The following DSCAM variants were observed in gnomAD, a reference collection of about 807,000 sequenced individuals.
The protein encoded by DSCAM is cell adhesion molecule DSCAM.
A neutral mutation model predicts 217.7 loss-of-function variants in DSCAM; 47 were observed. The observed-to-expected ratio is 0.22, with a 90% CI of 0.17 to 0.28. The LOEUF (loss-of-function observed/expected upper bound fraction) is 0.28, where lower values mean the gene tolerates loss of function less well. DSCAM is among the 10% of genes least tolerant of loss of function. The pLI is 1.00. For synonymous variants in DSCAM, 1,056 were observed against 1,015.3 expected (o/e 1.04, Z -0.76); for missense variants, 2,080 against 2,618.3 (o/e 0.79, Z 4.49).
chr21:40,771,657 G>A (rs958828354), intron 1 of DSCAM, among the ~76,000 whole-genome samples: 1 of 152,164 alleles, frequency 6.6e-6, no homozygotes, highest in Non-Finnish European at 1.5e-5. Flanking sequence ...TAAATCAAGA[G>A]CCAGCGAAAG....
At position 40,075,196 on chromosome 21, in the gene DSCAM, T is replaced by C. The variant is rs1319217987; in HGVS notation, c.4729A>G (p.Ile1577Val). ...NYDGSTIPPL[I>V]KSVVQNEEGL... ...TCTTCGTTTTGGACAACTGACTTAATGAGTGGAGGAATTGTACCTGAAAGC... is the reference window on the plus strand; with the variant it reads ...TCTTCGTTTTGGACAACTGACTTAACGAGTGGAGGAATTGTACCTGAAAGC... Residue 1577 changes from isoleucine (I) to valine (V), a missense_variant, in exon 27 of 33, where the codon ATT becomes GTT. Physicochemically the swap from Ile to Val is conservative, Grantham distance 29. This residue lies in a region of DSCAM where 1,144 missense variants were observed against 1,421.1 expected (regional missense o/e 0.81). Transcript: ENST00000400454. 24 of 1,614,154 alleles carry C rather than the reference T, an allele frequency of 1.5e-5. No homozygotes were observed. Among genetic ancestry groups the C allele is most frequent in the Non-Finnish European group, 1.8e-5 (21 of 1,180,034 alleles).
chr21:40,772,874 G>A (rs766549358), intron 1 of DSCAM, among the ~76,000 whole-genome samples: 1 of 152,138 alleles, frequency 6.6e-6, no homozygotes, highest in Non-Finnish European at 1.5e-5. Flanking sequence ...TGCCATAATC[G>A]CCGCGGTGGT....
At chr21:40,084,501 AACACACACACACACACACACACACACAC>A (rs145863686) in intron 23 of DSCAM, among the ~76,000 whole-genome samples, 23,469 of 137,786 alleles carry the variant, frequency 0.17, 2,074 homozygotes, top group South Asian at 0.32. Context: ...TCCAAGATGC[AACACACACACACACACACACACACACAC>A]ACACACACAC....
intron 1 of DSCAM, among the ~76,000 whole-genome samples, chr21:40,795,131 G>A (rs778732852): frequency 2.6e-5 from 4 of 151,194 alleles, no homozygotes; most frequent in Non-Finnish European, 5.9e-5. Flanking sequence ...GCAAACTCTC[G>A]GCCCCAGTTG....
At chr21:40,207,131 TA>T (rs540758029) in intron 11 of DSCAM, among the ~76,000 whole-genome samples, 178 of 152,230 alleles carry the variant, frequency 1.2e-3, no homozygotes, top group Admixed American at 3.3e-3. Flanking sequence ...AAAAAAATTG[TA>T]ACTATAGTAA....
At chr21:40,770,423 G>C (rs7278592) in intron 1 of DSCAM, among the ~76,000 whole-genome samples, 2,404 of 152,254 alleles carry the variant, frequency 0.016, 56 homozygotes, top group African/African-American at 0.054. Context: ...CACCAATACT[G>C]CACCCAAGTC....
At chr21:40,159,698 T>G (rs1374441824) in intron 16 of DSCAM, among the ~76,000 whole-genome samples, 1 of 152,186 alleles carries the variant, frequency 6.6e-6, no homozygotes, top group Admixed American at 6.5e-5. Flanking sequence ...TTATTCTGCC[T>G]CAACCTCATG....
At chr21:40,659,867 T>C (rs1243114798) in intron 3 of DSCAM, among the ~76,000 whole-genome samples, 1 of 152,220 alleles carries the variant, frequency 6.6e-6, no homozygotes, top group Admixed American at 6.5e-5. Context: ...TTCAGACAGG[T>C]TGCCAAATAA....
At chr21:40,445,564 C>CCGT (rs1167366042) in intron 3 of DSCAM, among the ~76,000 whole-genome samples, 4 of 152,114 alleles carry the variant, frequency 2.6e-5, no homozygotes, top group African/African-American at 9.7e-5. Context: ...CCTCCCTTGC[C>CCGT]CATCATCACT....
intron 19 of DSCAM, among the ~76,000 whole-genome samples, chr21:40,127,702 T>G (rs1230465921): frequency 6.6e-6 from 1 of 152,156 alleles, no homozygotes; most frequent in Non-Finnish European, 1.5e-5. Context: ...GTGCTTCTCT[T>G]GCCCCATCTC....
chr21:40,565,836 GTCCCAGTTTAT>G (rs1309216294), intron 3 of DSCAM, among the ~76,000 whole-genome samples: 1 of 152,154 alleles, frequency 6.6e-6, no homozygotes, highest in Non-Finnish European at 1.5e-5. Flanking sequence ...AAACTTCAGA[GTCCCAGTTTAT>G]TTTGTAAAAT....
chr21:40,221,309 C>T (rs545413694), intron 11 of DSCAM, among the ~76,000 whole-genome samples: 5 of 151,834 alleles, frequency 3.3e-5, no homozygotes, highest in Non-Finnish European at 7.4e-5. Flanking sequence ...TTGGATTACT[C>T]AGATCCAAGA....
intron 3 of DSCAM, among the ~76,000 whole-genome samples, chr21:40,378,441 T>C (rs2074984869): frequency 6.6e-6 from 1 of 152,102 alleles, no homozygotes; most frequent in South Asian, 2.1e-4. Flanking sequence ...GAGACTTGCA[T>C]ACTTTTCAAT....
At chr21:40,759,321 C>T (rs1461925688) in intron 1 of DSCAM, among the ~76,000 whole-genome samples, 1 of 152,148 alleles carries the variant, frequency 6.6e-6, no homozygotes, top group African/African-American at 2.4e-5. Flanking sequence ...CTCCTCCTTG[C>T]CCCCACATTC....
chr21:40,623,408 C>T (rs2089550355), intron 3 of DSCAM, among the ~76,000 whole-genome samples: 1 of 152,162 alleles, frequency 6.6e-6, no homozygotes, highest in Non-Finnish European at 1.5e-5. Flanking sequence ...GATCCAAACA[C>T]AGCAAAAAGC....
intron 1 of DSCAM, among the ~76,000 whole-genome samples, chr21:40,831,062 T>C (rs987971676): frequency 3.3e-5 from 5 of 152,202 alleles, no homozygotes; most frequent in Non-Finnish European, 7.3e-5. Flanking sequence ...CACCACGCAG[T>C]GTGTATCCTG....
intron 1 of DSCAM, among the ~76,000 whole-genome samples, chr21:40,780,421 G>GTATATATATATATATATA (rs1490666344): frequency 0.026 from 1,255 of 47,484 alleles, 11 homozygotes; most frequent in African/African-American, 0.057. Context: ...GTGTGTGTGT[G>GTATATATATATATATATA]TGTATATATA....
At chr21:40,310,612 C>T (rs990946932) in intron 9 of DSCAM, among the ~76,000 whole-genome samples, 17 of 152,338 alleles carry the variant, frequency 1.1e-4, no homozygotes, top group African/African-American at 3.4e-4. Flanking sequence ...GCCTTTTCTG[C>T]AAGGGCAAGT....
intron 26 of DSCAM, among the ~76,000 whole-genome samples, chr21:40,076,467 G>A (rs933413474): frequency 6.6e-6 from 1 of 152,166 alleles, no homozygotes; most frequent in Non-Finnish European, 1.5e-5. Flanking sequence ...TGACAATAGA[G>A]GCTATCCATT....
Sources: allele counts gnomAD v4.1 joint callset (sites outside exome capture counted in the v4.1 genomes callset), GRCh38; gene constraint gnomAD v4.1.1; regional missense constraint gnomAD v4.1.1; transcripts MANE v1.5; gene names NCBI Gene and HGNC (gene_info 2026-07-23, HGNC 2026-07-21).